RBM39: variants seen among roughly 807,000 people sequenced by gnomAD.
The protein encoded by RBM39 is RNA binding motif protein 39.
A neutral mutation model predicts 79.6 loss-of-function variants in RBM39; 12 were observed. The ratio of observed to expected loss-of-function variants is 0.15; its 90% CI spans 0.10 to 0.24. The LOEUF is 0.24. RBM39 is among the 10% of genes least tolerant of loss of function. The pLI, the probability that RBM39 is intolerant of heterozygous loss-of-function variation, is 1.00. For synonymous variants in RBM39, 185 were observed against 208.4 expected (o/e 0.89, Z 0.97); for missense variants, 243 against 653.4 (o/e 0.37, Z 6.85).
intron 13 of RBM39, chr20:35,707,686 G>A (rs1481196090): frequency 4.7e-6 from 1 of 211,536 alleles, no homozygotes; most frequent in Non-Finnish European, 9.8e-6. Flanking sequence ...TCATCCAAGT[G>A]TTTAAAGACA....
chr20:35,709,530 C>G (rs1158364760), intron 12 of RBM39, among the ~76,000 whole-genome samples: 1 of 152,094 alleles, frequency 6.6e-6, no homozygotes, highest in African/African-American at 2.4e-5. Flanking sequence ...TTTCACTACA[C>G]TACTATACAG....
chr20:35,721,109 T>G (rs1038187873), intron 9 of RBM39, among the ~76,000 whole-genome samples: 9 of 151,924 alleles, frequency 5.9e-5, no homozygotes, highest in African/African-American at 2.2e-4. Flanking sequence ...CCCAGCTAAT[T>G]TTTGTATTTT....
chr20:35,735,915 C>T (rs1414173217), intron 3 of RBM39, among the ~76,000 whole-genome samples: 1 of 152,188 alleles, frequency 6.6e-6, no homozygotes, highest in African/African-American at 2.4e-5. Context: ...ACATGGAGAA[C>T]TTGATGCTCA....
chr20:35,702,111 T>G lies in RBM39; in HGVS notation c.*2370A>C, dbSNP rs896560044. The G allele has an allele frequency of 9.2e-5, 14 of 152,206 alleles. No homozygotes were observed. Among genetic ancestry groups the G allele is most frequent in the African/African-American group, 3.1e-4 (13 of 41,442 alleles). 9.4% of individuals were successfully genotyped at this position (152,206 alleles called of 1,614,324 possible). A position where few individuals can be genotyped will look rare whatever the true frequency, so the allele number is the denominator to read the frequency against. On this transcript the variant is annotated 3_prime_UTR_variant, in exon 17 of 17. Coordinates refer to ENST00000253363, the MANE Select transcript of RBM39 (RefSeq NM_184234.3). ...TAATGAGGCAGTTGTCCATCTCACC[T>G]GCCCAGGCCACGCAGACCCTGGAGT...
chr20:35,707,749 TAATA>T (rs1263519645), intron 13 of RBM39: 3 of 248,804 alleles, frequency 1.2e-5, no homozygotes, highest in Non-Finnish European at 2.5e-5. Context: ...TAAATCCTAT[TAATA>T]AATCAAATGT....
chr20:35,722,433 TA>T (rs1292662335), intron 8 of RBM39, among the ~76,000 whole-genome samples: 18 of 111,390 alleles, frequency 1.6e-4, no homozygotes, highest in African/African-American at 5.8e-4. Flanking sequence ...AAAAAAAAAA[TA>T]AAAATAAAAA....
chr20:35,741,046 T>TTTTC (rs1414826615), intron 1 of RBM39, among the ~76,000 whole-genome samples, 159 bp from the exon 2 acceptor site: 1 of 134,410 alleles, frequency 7.4e-6, no homozygotes, highest in East Asian at 2.2e-4. Flanking sequence ...TTTTTTTTTT[T>TTTTC]TTTTTGAGAC....
intron 4 of RBM39, among the ~76,000 whole-genome samples, chr20:35,730,823 T>C (rs1600586177): frequency 6.6e-6 from 1 of 152,100 alleles, no homozygotes; most frequent in Non-Finnish European, 1.5e-5. Context: ...GAAATTAAAA[T>C]AGCATTGTGG....
intron 3 of RBM39, chr20:35,735,221 T>C: frequency 8.0e-7 from 1 of 1,251,080 alleles, no homozygotes. Context: ...CTTAACGGAA[T>C]GGACGCTGAT....
At chr20:35,740,607 G>A in intron 2 of RBM39, 2 of 1,458,500 alleles carry the variant, frequency 1.4e-6, no homozygotes, top group Non-Finnish European at 1.9e-6. Flanking sequence ...TCTACAAAGA[G>A]AGATAGATGG....
At chr20:35,718,151 G>A (rs541587647) in intron 9 of RBM39, among the ~76,000 whole-genome samples, 60 of 152,106 alleles carry the variant, frequency 3.9e-4, no homozygotes, top group African/African-American at 1.4e-3. Context: ...GAGCCACTGC[G>A]CCCAGCCCAA....
intron 3 of RBM39, chr20:35,734,160 T>G: frequency 7.9e-7 from 1 of 1,273,772 alleles, no homozygotes; most frequent in Middle Eastern, 2.2e-4. Context: ...TAGAGTGCAT[T>G]GAAAATAGAA....
chr20:35,721,712 G>A lies in RBM39; in HGVS notation c.825+28C>T, dbSNP rs182558273. On this transcript the variant is annotated intron_variant, in intron 9 of 16. Transcript: ENST00000253363. ...GTTATACTCAGATCAACAACCTACT[G>A]AAGATTCATTGAAGAACCTGGACTT... is the stretch of plus-strand genomic sequence containing the variant. The A allele has an allele frequency of 3.7e-6, 6 of 1,609,788 alleles. No homozygotes were observed. In the African/African-American group the frequency reaches 8.0e-5, roughly 22 times the overall value.
chr20:35,714,916 A>T (rs1431846108), intron 10 of RBM39, among the ~76,000 whole-genome samples: 1 of 152,234 alleles, frequency 6.6e-6, no homozygotes, highest in Non-Finnish European at 1.5e-5. Context: ...CTGGAGAAAA[A>T]GAAAAGGTGG....
chr20:35,729,443 C>G lies in RBM39; in HGVS notation c.362+19G>C. Reference sequence around the variant, plus strand: ...TCCTTGAAAAACAATTTAAACAATTCAGAAGTATGTTTAAAAACCTTAATT... The same window carrying G: ...TCCTTGAAAAACAATTTAAACAATTGAGAAGTATGTTTAAAAACCTTAATT... On this transcript the variant is annotated intron_variant, in intron 5 of 16. Coordinates refer to ENST00000253363, the MANE Select transcript of RBM39 (RefSeq NM_184234.3). The G allele has an allele frequency of 6.2e-7, 1 of 1,611,514 alleles. No homozygotes were observed. Among genetic ancestry groups the G allele is most frequent in the Non-Finnish European group, 8.5e-7 (1 of 1,178,492 alleles).
At chr20:35,720,920 T>A (rs1255643800) in intron 9 of RBM39, among the ~76,000 whole-genome samples, 1 of 152,176 alleles carries the variant, frequency 6.6e-6, no homozygotes, top group African/African-American at 2.4e-5. Flanking sequence ...GGCCTGGAAC[T>A]GAGCACATAA....
At chr20:35,734,669 G>A (rs986294177) in intron 3 of RBM39, 1 of 493,516 alleles carries the variant, frequency 2.0e-6, no homozygotes, top group Non-Finnish European at 3.3e-6. Flanking sequence ...AGGTCTTCTA[G>A]GACTTTTTGT....
At position 35,701,753 on chromosome 20, in the gene RBM39, CAA is replaced by C. The variant is rs2035293451; in HGVS notation, c.*2726_*2727del. The C allele has an allele frequency of 1.3e-5, 2 of 151,586 alleles. No individual in the cohort carries two copies. The highest frequency in any genetic ancestry group is 4.8e-5 in the African/African-American group (2 of 41,252). 9.4% of individuals were successfully genotyped at this position (151,586 alleles called of 1,614,324 possible). On this transcript the variant is annotated 3_prime_UTR_variant, in exon 17 of 17. Coordinates refer to ENST00000253363, the MANE Select transcript of RBM39 (RefSeq NM_184234.3). ...TGGGCGACAGAGCGAGACTCTGTCTCAAAACAAAAAAAATTTGTATTCTTAGT... is the reference window on the plus strand; with the variant it reads ...TGGGCGACAGAGCGAGACTCTGTCTCAACAAAAAAAATTTGTATTCTTAGT...
intron 6 of RBM39, among the ~76,000 whole-genome samples, chr20:35,726,939 CCT>C: frequency 6.6e-6 from 1 of 152,226 alleles, no homozygotes; most frequent in South Asian, 2.1e-4. Flanking sequence ...AATTCTCCTG[CCT>C]CTCTTCCCGA....
Sources: gnomAD v4.1 joint callset for allele counts (sites outside exome capture counted in the v4.1 genomes callset) on GRCh38, gnomAD v4.1.1 for gene constraint, MANE v1.5 for transcripts, NCBI Gene and HGNC (gene_info 2026-07-23, HGNC 2026-07-21) for gene names.